Variants in MORC1 observed in about 807,000 individuals in gnomAD.
MORC1 encodes the protein MORC family CW-type zinc finger 1, also known as MORC family CW-type zinc finger protein 1.
Under a neutral mutation model 134.9 loss-of-function variants are expected in MORC1, and 59 were observed. The ratio of observed to expected loss-of-function variants is 0.44; its 90% CI spans 0.35 to 0.54. MORC1 has a LOEUF of 0.54. Ranked by LOEUF, MORC1 falls within the 20% of genes least tolerant of loss-of-function variation. The pLI is 0.00. For missense variants in MORC1, 947 were observed against 1,134.5 expected (o/e 0.83, Z 2.37); for synonymous variants, 395 against 391.7 (o/e 1.01, Z -0.10).
intron 14 of MORC1, among the ~76,000 whole-genome samples, chr3:109,045,971 G>A (rs1170447350): frequency 6.6e-6 from 1 of 152,062 alleles, no homozygotes; most frequent in African/African-American, 2.4e-5. Flanking sequence ...TCCGTATGCT[G>A]CAAGAAACTT....
chr3:108,975,538 G>A (rs1178812572), intron 24 of MORC1, among the ~76,000 whole-genome samples: 1 of 152,144 alleles, frequency 6.6e-6, no homozygotes, highest in Non-Finnish European at 1.5e-5. Context: ...AGCAAGGACT[G>A]TGAGGTCAGA....
chr3:109,064,405 C>G (rs973715149), intron 9 of MORC1, among the ~76,000 whole-genome samples: 2 of 151,978 alleles, frequency 1.3e-5, no homozygotes, highest in African/African-American at 4.8e-5. Flanking sequence ...CACTAAGTAC[C>G]TTTCAAGGCT....
chr3:109,102,442 G>T (rs766406198), intron 4 of MORC1, among the ~76,000 whole-genome samples: 3 of 152,162 alleles, frequency 2.0e-5, no homozygotes, highest in African/African-American at 2.4e-5. Context: ...CACTCAGGAT[G>T]CTGTGTGGGG....
intron 12 of MORC1, 54 bp downstream of exon 12, chr3:109,059,752 T>G: frequency 6.7e-7 from 1 of 1,502,980 alleles, no homozygotes. Context: ...GAAACCAGAA[T>G]TTGTTTTAAC....
chr3:108,999,202 T>C (rs1417382713), intron 21 of MORC1, among the ~76,000 whole-genome samples: 1 of 152,234 alleles, frequency 6.6e-6, no homozygotes, highest in Non-Finnish European at 1.5e-5. Context: ...TTTCATTTAG[T>C]TGTTCTTTAT....
rs11344763 is a variant in MORC1 at position 109,111,050 on chromosome 3, T to TAAAAAAAAA, written c.120-276_120-268dup. ...AAAAACTAACAAAATGGATATAATT[T>TAAAAAAAAA]AAAAAAAAAAAAAAAAAACAAAAAA... On this transcript the variant is annotated intron_variant, in intron 2 of 27. Transcript: ENST00000232603. 1.1e-4 allele frequency among the ~76,000 whole-genome samples: 12 copies of TAAAAAAAAA among 113,876 alleles called. 1 individual carries two copies. Among genetic ancestry groups the TAAAAAAAAA allele is most frequent in the South Asian group, 3.0e-4 (1 of 3,334 alleles). 74.7% of individuals were successfully genotyped at this position (113,876 alleles called of 152,430 possible).
chr3:109,082,611 T>C (rs1229163158), intron 8 of MORC1, among the ~76,000 whole-genome samples: 1 of 152,192 alleles, frequency 6.6e-6, no homozygotes, highest in Middle Eastern at 3.4e-3. Flanking sequence ...AAACAAATCT[T>C]GGAACTGAGA....
intron 25 of MORC1, 54 bp downstream of exon 25, chr3:108,971,276 T>G: frequency 1.3e-6 from 2 of 1,514,166 alleles, no homozygotes; most frequent in Non-Finnish European, 1.8e-6. Flanking sequence ...TTTTCTTCAC[T>G]GAGATTCAGG....
At chr3:109,071,024 T>G (rs956422806) in intron 8 of MORC1, among the ~76,000 whole-genome samples, 2 of 152,212 alleles carry the variant, frequency 1.3e-5, no homozygotes, top group African/African-American at 4.8e-5. Flanking sequence ...CTGTCTGTAT[T>G]CGAGTGTTGC....
At chr3:109,077,340 T>C (rs1483343284) in intron 8 of MORC1, among the ~76,000 whole-genome samples, 1 of 152,160 alleles carries the variant, frequency 6.6e-6, no homozygotes, top group Non-Finnish European at 1.5e-5. Flanking sequence ...TCTTCTAATT[T>C]AGTCTAAATA....
chr3:109,047,110 A>G (rs907184423), intron 14 of MORC1, among the ~76,000 whole-genome samples: 5 of 152,202 alleles, frequency 3.3e-5, no homozygotes, highest in African/African-American at 1.2e-4. Flanking sequence ...CTGCTTTATT[A>G]CAGGGAAGTG....
At chr3:108,989,809 A>C (rs954783878) in intron 21 of MORC1, among the ~76,000 whole-genome samples, 1 of 152,136 alleles carries the variant, frequency 6.6e-6, no homozygotes, top group Non-Finnish European at 1.5e-5. Context: ...TTTATTCACT[A>C]ACATTGGGTT....
At chr3:109,079,357 CA>C (rs1950484191) in intron 8 of MORC1, among the ~76,000 whole-genome samples, 1 of 151,876 alleles carries the variant, frequency 6.6e-6, no homozygotes, top group Non-Finnish European at 1.5e-5. Context: ...AGGAGAAAAA[CA>C]AAACTAAATC....
At position 108,967,946 on chromosome 3, in the gene MORC1, G is replaced by C. The variant is rs148951248; in HGVS notation, c.2604+1723C>G. Among the ~76,000 whole-genome samples, 287 of 152,252 alleles carry C rather than the reference G, an allele frequency of 1.9e-3. 7 individuals are homozygous for C. Among genetic ancestry groups the C allele is most frequent in the African/African-American group, 6.7e-3 (277 of 41,556 alleles). On this transcript the variant is annotated intron_variant, in intron 26 of 27. Transcript: ENST00000232603. The stretch of plus-strand genomic sequence containing the variant: ...AGTTCTGAATCTGATCATGACACTG[G>C]GATATTATCTTTCTGAATCTCTATT...
intron 17 of MORC1, among the ~76,000 whole-genome samples, chr3:109,012,567 T>G (rs1273077917): frequency 2.6e-5 from 4 of 152,210 alleles, no homozygotes; most frequent in Non-Finnish European, 5.9e-5. Flanking sequence ...TGTCTTCATT[T>G]ATGTGTTTTA....
At chr3:108,987,752 T>C (rs1028955394) in intron 21 of MORC1, among the ~76,000 whole-genome samples, 3 of 151,990 alleles carry the variant, frequency 2.0e-5, no homozygotes, top group Non-Finnish European at 2.9e-5. Context: ...ACTTACACTT[T>C]GGGAATATAC....
intron 8 of MORC1, among the ~76,000 whole-genome samples, chr3:109,079,007 G>A (rs946135027): frequency 2.6e-5 from 4 of 151,922 alleles, no homozygotes; most frequent in Admixed American, 2.6e-4. Flanking sequence ...AAGTAATAAG[G>A]CAACCAGATT....
chr3:109,025,598 G>C (rs1285713828), intron 17 of MORC1, among the ~76,000 whole-genome samples: 1 of 151,576 alleles, frequency 6.6e-6, no homozygotes, highest in Non-Finnish European at 1.5e-5. Flanking sequence ...GGCCAGGCTG[G>C]TCTCAAACTC....
At chr3:109,071,019 T>C (rs1250679909) in intron 8 of MORC1, among the ~76,000 whole-genome samples, 2 of 152,228 alleles carry the variant, frequency 1.3e-5, no homozygotes, top group Non-Finnish European at 2.9e-5. Context: ...ATAGGCTGTC[T>C]GTATTCGAGT....
Sources: allele counts gnomAD v4.1 joint callset (sites outside exome capture counted in the v4.1 genomes callset), GRCh38; gene constraint gnomAD v4.1.1; transcripts MANE v1.5; gene names NCBI Gene and HGNC (gene_info 2026-07-23, HGNC 2026-07-21).